EXT1: variants seen among roughly 807,000 people sequenced by gnomAD.
EXT1 encodes the protein exostosin-1.
In EXT1, 20 loss-of-function variants were observed where a neutral mutation model predicts 82.5. The ratio of observed to expected loss-of-function variants is 0.24; its 90% CI spans 0.17 to 0.35. The LOEUF is 0.35. Ranked by LOEUF, EXT1 falls within the 10% of genes least tolerant of loss-of-function variation. EXT1 has a pLI of 1.00. For synonymous variants in EXT1, 348 were observed against 350.8 expected (o/e 0.99, Z 0.09); for missense variants, 757 against 936.5 (o/e 0.81, Z 2.50).
intron 1 of EXT1, among the ~76,000 whole-genome samples, chr8:118,039,012 C>A (rs1233652171): frequency 1.3e-5 from 2 of 152,196 alleles, no homozygotes; most frequent in Admixed American, 1.3e-4. Context: ...TTATCCCACA[C>A]AGACGCACTC....
In EXT1 at chr8:117,819,746, G is replaced by C; in HGVS notation, c.1466C>G (p.Pro489Arg). Residue 489 changes from proline to arginine, a missense_variant, in exon 6 of 11, where the codon CCC (proline) becomes CGC (arginine). This residue lies in a region of EXT1 where 207 missense variants were observed against 224.2 expected (regional missense o/e 0.92). Coordinates refer to ENST00000378204, the MANE Select transcript of EXT1 (RefSeq NM_000127.3). The stretch of plus-strand genomic sequence containing the variant: ...CACTGGCTGGGACTGAGAGACCAGG[G>C]GGGTCACCGCATGGATGACTGCAGT... ...KFTAVIHAVT[P>R]LVSQSQPVLK... The C allele has an allele frequency of 6.2e-7, 1 of 1,613,452 alleles. No individual in the cohort carries two copies. The highest frequency in any genetic ancestry group is 8.5e-7 in the Non-Finnish European group (1 of 1,180,034).
At chr8:117,959,423 T>C (rs2129713551) in intron 1 of EXT1, among the ~76,000 whole-genome samples, 1 of 152,362 alleles carries the variant, frequency 6.6e-6, no homozygotes, top group Non-Finnish European at 1.5e-5. Flanking sequence ...TAGCACTATA[T>C]TTGAAGGCCA....
intron 1 of EXT1, among the ~76,000 whole-genome samples, chr8:118,020,949 C>A (rs913945328): frequency 3.9e-5 from 6 of 152,190 alleles, no homozygotes; most frequent in Non-Finnish European, 7.4e-5. Flanking sequence ...TAAACCAAAT[C>A]TACATTCTTT....
At chr8:117,966,684 C>T (rs1035909255) in intron 1 of EXT1, among the ~76,000 whole-genome samples, 6 of 152,190 alleles carry the variant, frequency 3.9e-5, no homozygotes, top group Admixed American at 3.3e-4. Flanking sequence ...CTACCACAAT[C>T]TACATGCAAA....
intron 1 of EXT1, among the ~76,000 whole-genome samples, chr8:118,001,867 A>C (rs75945468): frequency 0.019 from 2,953 of 152,324 alleles, 38 homozygotes; most frequent in Middle Eastern, 0.031. Context: ...ACACTTAGAA[A>C]ACCATGACCA....
At chr8:117,893,689 G>A (rs1249032457) in intron 1 of EXT1, among the ~76,000 whole-genome samples, 1 of 152,168 alleles carries the variant, frequency 6.6e-6, no homozygotes, top group Non-Finnish European at 1.5e-5. Flanking sequence ...CACGCTTTGA[G>A]CAAGTGAAAC....
intron 1 of EXT1, among the ~76,000 whole-genome samples, chr8:118,036,072 C>CTT (rs562751386): frequency 9.9e-4 from 139 of 141,112 alleles, no homozygotes; most frequent in African/African-American, 3.0e-3. Flanking sequence ...GTATCTCAGT[C>CTT]TTTTTTTTTT....
chr8:117,958,171 G>A (rs1586309260), intron 1 of EXT1, among the ~76,000 whole-genome samples: 1 of 151,940 alleles, frequency 6.6e-6, no homozygotes, highest in Admixed American at 6.6e-5. Flanking sequence ...TTATTTAAAT[G>A]GAGACTAACA....
intron 1 of EXT1, among the ~76,000 whole-genome samples, chr8:117,943,114 A>G (rs1814320229): frequency 6.6e-6 from 1 of 152,252 alleles, no homozygotes; most frequent in Non-Finnish European, 1.5e-5. Context: ...TAAGAAGTTT[A>G]GCCAGAAAAC....
At chr8:117,907,579 T>G (rs1004647588) in intron 1 of EXT1, among the ~76,000 whole-genome samples, 7 of 152,184 alleles carry the variant, frequency 4.6e-5, no homozygotes, top group African/African-American at 1.7e-4. Flanking sequence ...AAAGTTCCAT[T>G]AATTGTTAAT....
intron 1 of EXT1, among the ~76,000 whole-genome samples, chr8:118,038,826 A>T (rs17505429): frequency 6.6e-6 from 1 of 152,348 alleles, no homozygotes; most frequent in African/African-American, 2.4e-5. Context: ...CACTGATTTC[A>T]GAAAAAGGTC....
In EXT1 at chr8:118,085,479, G is replaced by GTT. The variant is rs58866328; in HGVS notation, c.962+24604_962+24605dup. Among the ~76,000 whole-genome samples, 429 of 126,722 alleles carry GTT rather than the reference G, an allele frequency of 3.4e-3. 2 individuals are homozygous for GTT. The highest frequency in any genetic ancestry group is 0.012 in the African/African-American group (396 of 34,392). 83.1% of individuals were successfully genotyped at this position (126,722 alleles called of 152,430 possible). A position where few individuals can be genotyped will look rare whatever the true frequency, so the allele number is the denominator to read the frequency against. On this transcript the variant is annotated intron_variant, in intron 1 of 10. Coordinates refer to ENST00000378204, the MANE Select transcript of EXT1 (RefSeq NM_000127.3). ...TTTGTTTGTTATTGGGGCTGTTTTT[G>GTT]TTTTTTTTTTTTTTTTGGTTGATTG...
chr8:117,924,075 T>C (rs1284905826), intron 1 of EXT1, among the ~76,000 whole-genome samples: 1 of 152,236 alleles, frequency 6.6e-6, no homozygotes, highest in Non-Finnish European at 1.5e-5. Flanking sequence ...GGGAGCATGC[T>C]AGAACTGGAG....
chr8:118,100,976 G>A (rs919147639), intron 1 of EXT1, among the ~76,000 whole-genome samples: 3 of 152,242 alleles, frequency 2.0e-5, no homozygotes, highest in African/African-American at 4.8e-5. Context: ...ATTTCCTGAG[G>A]ACTTAAGTAT....
intron 1 of EXT1, among the ~76,000 whole-genome samples, chr8:118,069,069 GTTCTTA>G (rs1486226174): frequency 6.6e-6 from 1 of 152,156 alleles, no homozygotes; most frequent in Non-Finnish European, 1.5e-5. Flanking sequence ...TTAAATGGCA[GTTCTTA>G]TTTACACAAA....
At chr8:117,826,214 G>A (rs796115347) in intron 4 of EXT1, among the ~76,000 whole-genome samples, 14 of 152,274 alleles carry the variant, frequency 9.2e-5, no homozygotes, top group African/African-American at 2.9e-4. Flanking sequence ...ACAATGAAAC[G>A]TACTAACAAC....
At chr8:117,830,385 G>A (rs1812079256) in intron 3 of EXT1, 36 bp from the exon 4 acceptor site, 2 of 1,609,330 alleles carry the variant, frequency 1.2e-6, no homozygotes, top group African/African-American at 1.3e-5. Flanking sequence ...AATTATAACT[G>A]TAAAACAAAG....
At chr8:118,063,716 T>G (rs1251638862) in intron 1 of EXT1, among the ~76,000 whole-genome samples, 1 of 152,246 alleles carries the variant, frequency 6.6e-6, no homozygotes, top group Non-Finnish European at 1.5e-5. Context: ...TAGACTCTCC[T>G]GTGAGATCAC....
intron 1 of EXT1, among the ~76,000 whole-genome samples, chr8:118,017,418 A>G (rs1205175632): frequency 6.6e-6 from 1 of 152,156 alleles, no homozygotes; most frequent in African/African-American, 2.4e-5. Context: ...TGAGTTGCTA[A>G]AGTAAACAGT....
Sources: allele counts gnomAD v4.1 joint callset (sites outside exome capture counted in the v4.1 genomes callset), GRCh38; gene constraint gnomAD v4.1.1; regional missense constraint gnomAD v4.1.1; transcripts MANE v1.5; gene names NCBI Gene and HGNC (gene_info 2026-07-23, HGNC 2026-07-21).